The following SFSWAP variants were observed in gnomAD, a reference collection of about 807,000 sequenced individuals.
SFSWAP encodes splicing factor SWAP.
In SFSWAP, 17 loss-of-function variants were observed where a neutral mutation model predicts 100.7. That is an observed-to-expected ratio of 0.17 (90% CI 0.12 to 0.25). The LOEUF (loss-of-function observed/expected upper bound fraction) is 0.25, where lower values mean the gene tolerates loss of function less well. SFSWAP is among the 10% of genes least tolerant of loss of function. The pLI, the probability that SFSWAP is intolerant of heterozygous loss-of-function variation, is 1.00. For synonymous variants in SFSWAP, 504 were observed against 510.1 expected, an observed-to-expected ratio of 0.99 and a Z score of 0.16; for missense variants, 1,005 against 1,262.6, an observed-to-expected ratio of 0.80 and a Z score of 3.09.
chr12:131,764,221 C>T (rs1882916132), intron 11 of SFSWAP, among the ~76,000 whole-genome samples: 1 of 152,222 alleles, frequency 6.6e-6, no homozygotes, highest in South Asian at 2.1e-4. Flanking sequence ...ATGAAGTCCC[C>T]AGTCAGTGCG....
At chr12:131,718,148 A>G (rs940319127) in intron 3 of SFSWAP, among the ~76,000 whole-genome samples, 1 of 152,220 alleles carries the variant, frequency 6.6e-6, no homozygotes, top group Non-Finnish European at 1.5e-5. Flanking sequence ...TAATCAACTT[A>G]TATCTGATCA....
chr12:131,740,888 C>A (rs1236910168), intron 7 of SFSWAP, among the ~76,000 whole-genome samples: 3 of 151,746 alleles, frequency 2.0e-5, no homozygotes, highest in Admixed American at 6.6e-5. Flanking sequence ...TGGTTGTAGA[C>A]CCATGAGTGT....
intron 7 of SFSWAP, among the ~76,000 whole-genome samples, chr12:131,736,665 G>A (rs1219960284): frequency 6.6e-6 from 1 of 151,818 alleles, no homozygotes; most frequent in African/African-American, 2.4e-5. Flanking sequence ...GTGAGGCTTC[G>A]TGTTACAGTA....
In SFSWAP at chr12:131,764,377, C is replaced by T. The variant is rs553287375; in HGVS notation, c.1721-79C>T. 174 of 1,122,610 alleles carry T rather than the reference C, an allele frequency of 1.5e-4. 3 individuals are homozygous for T. The South Asian group carries it at 2.2e-3, about 14-fold the overall frequency. 69.5% of individuals were successfully genotyped at this position (1,122,610 alleles called of 1,614,324 possible). On this transcript the variant is annotated intron_variant, in intron 11 of 17. Transcript: ENST00000261674. The stretch of plus-strand genomic sequence containing the variant: ...TGCTAGTCATCCCCTTCCCAGCAGC[C>T]GATGCTCAGGTGGGTAGCAGGGCCT...
At chr12:131,739,281 A>G (rs73160774) in intron 7 of SFSWAP, among the ~76,000 whole-genome samples, 2,242 of 152,288 alleles carry the variant, frequency 0.015, 26 homozygotes, top group Non-Finnish European at 0.025. Flanking sequence ...ATTTGTTTAA[A>G]GTATTACCAG....
intron 16 of SFSWAP, 24 bp from the exon 17 acceptor site, chr12:131,799,013 C>CT: frequency 6.4e-7 from 1 of 1,569,064 alleles, no homozygotes. Context: ...GTTGTAAGCT[C>CT]TGCTCTCTCT....
rs551065977 is a variant in SFSWAP at position 131,767,290 on chromosome 12, C to CT, written c.2142+992dup. Reference sequence around the variant, plus strand: ...TTAATCATAATCAGCAAAAACTCTACTTTTTTTTTTGTCACATCAATTTAG... The same window carrying CT: ...TTAATCATAATCAGCAAAAACTCTACTTTTTTTTTTTGTCACATCAATTTAG... On this transcript the variant is annotated intron_variant, in intron 13 of 17. Coordinates refer to ENST00000261674, the MANE Select transcript of SFSWAP (RefSeq NM_004592.4). Among the ~76,000 whole-genome samples, 69 of 149,220 alleles carry CT rather than the reference C, an allele frequency of 4.6e-4. No homozygotes were observed. The South Asian group carries it at 9.5e-3, about 20-fold the overall frequency.
chr12:131,715,247 C>T (rs1046297125), intron 3 of SFSWAP, among the ~76,000 whole-genome samples: 2 of 152,144 alleles, frequency 1.3e-5, no homozygotes, highest in African/African-American at 2.4e-5. Context: ...TCATTAATAT[C>T]CTCAGGGATT....
intron 13 of SFSWAP, among the ~76,000 whole-genome samples, chr12:131,767,549 G>A (rs183413492): frequency 2.2e-4 from 34 of 152,332 alleles, no homozygotes; most frequent in African/African-American, 7.0e-4. Flanking sequence ...AGCTAGTCCT[G>A]TAATTGTAGG....
intron 8 of SFSWAP, 30 bp from the exon 9 acceptor site, chr12:131,754,338 C>T: frequency 6.7e-7 from 1 of 1,485,348 alleles, no homozygotes; most frequent in Admixed American, 2.4e-5. Context: ...CCCCTGAAGC[C>T]CAGGGGTCTC....
chr12:131,766,465 G>A (rs1287168016), intron 13 of SFSWAP, among the ~76,000 whole-genome samples, 157 bp downstream of exon 13: 1 of 152,168 alleles, frequency 6.6e-6, no homozygotes, highest in Non-Finnish European at 1.5e-5. Flanking sequence ...TTACTCTATA[G>A]CAGTGAATCT....
At chr12:131,782,101 C>T (rs1593184415) in intron 14 of SFSWAP, among the ~76,000 whole-genome samples, 1 of 152,130 alleles carries the variant, frequency 6.6e-6, no homozygotes, top group African/African-American at 2.4e-5. Flanking sequence ...TTCCTTGAGC[C>T]CAGGAGATCG....
intron 11 of SFSWAP, 137 bp from the exon 12 acceptor site, chr12:131,764,319 C>G: frequency 1.5e-6 from 1 of 678,628 alleles, no homozygotes; most frequent in Non-Finnish European, 2.5e-6. Flanking sequence ...CACGGCGTCC[C>G]CCACCGTAGA....
intron 7 of SFSWAP, among the ~76,000 whole-genome samples, chr12:131,749,225 G>A (rs1411036875): frequency 6.6e-6 from 1 of 152,212 alleles, no homozygotes; most frequent in Admixed American, 6.5e-5. Context: ...CCACTTCACG[G>A]TGTTGTCAGT....
intron 15 of SFSWAP, among the ~76,000 whole-genome samples, chr12:131,793,201 C>T (rs1885400812): frequency 6.6e-6 from 1 of 151,958 alleles, no homozygotes; most frequent in Non-Finnish European, 1.5e-5. Context: ...TCAAGGAATC[C>T]TCCCACCTCA....
At position 131,778,335 on chromosome 12, in the gene SFSWAP, G is replaced by A. The variant is rs773000656; in HGVS notation, c.2408+5G>A. 1.9e-6 allele frequency: 3 copies of A among 1,610,534 alleles called. No individual in the cohort carries two copies. Among genetic ancestry groups the A allele is most frequent in the Non-Finnish European group, 1.7e-6 (2 of 1,177,760 alleles). The stretch of plus-strand genomic sequence containing the variant: ...TCGGACAGTGCGGCGGTCGAGGTGG[G>A]TGTGAAGGGGGCAGCACCTCTGGTA... On this transcript the variant is annotated splice_donor_5th_base_variant and intron_variant, in intron 14 of 17. Transcript: ENST00000261674. This position sits in a 1 kb window ranked among gnomAD's most constrained non-coding sequence, Gnocchi z 4.2.
rs1879732185 is a variant in SFSWAP at position 131,733,747 on chromosome 12, G to C, written c.1081+5319G>C. ...ACCCTGGAGTCACAGGCTTGGTGAG[G>C]TGGGGGACAGGCAGGGGTGGGCCCC... On this transcript the variant is annotated intron_variant, in intron 7 of 17. Coordinates refer to ENST00000261674, the MANE Select transcript of SFSWAP (RefSeq NM_004592.4). The surrounding 1 kb of genome is among the most constrained non-coding windows in gnomAD (Gnocchi z 5.1). Among the ~76,000 whole-genome samples, 1 of 152,068 alleles carries C rather than the reference G, an allele frequency of 6.6e-6. No individual in the cohort carries two copies. The highest frequency in any genetic ancestry group is 1.5e-5 in the Non-Finnish European group (1 of 67,982).
chr12:131,746,217 A>C lies in SFSWAP; in HGVS notation c.1082-6906A>C, dbSNP rs893735062. Among the ~76,000 whole-genome samples the C allele has an allele frequency of 4.6e-5, 7 of 152,226 alleles. No homozygotes were observed. In the South Asian group the frequency reaches 1.2e-3, roughly 27 times the overall value. On this transcript the variant is annotated intron_variant, in intron 7 of 17. Coordinates refer to ENST00000261674, the MANE Select transcript of SFSWAP (RefSeq NM_004592.4). ...TTGTATCTCTGAGAAGTCAGTGTGC[A>C]TGTGGAGAAAGAATGGAAGGGAATG... is the stretch of plus-strand genomic sequence containing the variant.
Position 131,711,497 on chromosome 12 carries a change from A to G in SFSWAP, c.218+50A>G, listed in dbSNP as rs775207546. On this transcript the variant is annotated intron_variant, in intron 1 of 17. Transcript: ENST00000261674. The surrounding 1 kb of genome is among the most constrained non-coding windows in gnomAD (Gnocchi z 4.9). ...ATCCTTCCCTTCCCTCACCCGCTTG[A>G]TCTCGTCTGATGTTGACTTGACTGC... 4 of 1,460,170 alleles carry G rather than the reference A, an allele frequency of 2.7e-6. No homozygotes were observed. The African/African-American group carries it at 5.6e-5, about 20-fold the overall frequency. The allele number at this position is 1,460,170 out of a possible 1,614,324, so 90.5% of individuals were successfully genotyped here.
Sources: gnomAD v4.1 joint callset for allele counts (sites outside exome capture counted in the v4.1 genomes callset) on GRCh38, gnomAD v4.1.1 for gene constraint, Gnocchi (gnomAD v3.1) non-coding constraint, MANE v1.5 for transcripts, NCBI Gene and HGNC (gene_info 2026-07-23, HGNC 2026-07-21) for gene names.